The following ROBO2 variants were observed in gnomAD, a reference collection of about 807,000 sequenced individuals.
ROBO2 encodes roundabout guidance receptor 2.
A neutral mutation model predicts 160.8 loss-of-function variants in ROBO2; 53 were observed. That is an observed-to-expected ratio of 0.33 (90% CI 0.26 to 0.41). The LOEUF is 0.41. Among genes scored for constraint, ROBO2 ranks in the 10% least tolerant of loss-of-function variants. The probability of loss-of-function intolerance (pLI) is 1.00; values close to 1 mark genes in which losing one functional copy is unlikely to be tolerated. For missense variants in ROBO2, 1,577 were observed against 1,722.4 expected (o/e 0.92, Z 1.49); for synonymous variants, 664 against 611.7 (o/e 1.09, Z -1.26).
At chr3:77,056,963 T>G (rs1559917984) in intron 1 of ROBO2, among the ~76,000 whole-genome samples, 1 of 152,168 alleles carries the variant, frequency 6.6e-6, no homozygotes, top group Non-Finnish European at 1.5e-5. Context: ...CATTACTGGT[T>G]ATATACCCAA....
chr3:77,261,452 A>G (rs1319372528), intron 2 of ROBO2, among the ~76,000 whole-genome samples: 2 of 152,172 alleles, frequency 1.3e-5, no homozygotes, highest in Admixed American at 1.3e-4. Flanking sequence ...AAGAAGACAT[A>G]TTGTTATAAT....
At position 76,043,839 on chromosome 3, in the gene ROBO2, A is replaced by G. The variant is rs568426175; in HGVS notation, c.109+106237A>G. ...CCTCTGGCCTTTTGGAATCCACATTATCTTGGAACTATGTGAAGATTGTCT... is the reference window on the plus strand; with the variant it reads ...CCTCTGGCCTTTTGGAATCCACATTGTCTTGGAACTATGTGAAGATTGTCT... On this transcript the variant is annotated intron_variant, in intron 2 of 26. Transcript: ENST00000487694. Among the ~76,000 whole-genome samples, 261 of 152,000 alleles carry G rather than the reference A, an allele frequency of 1.7e-3. 3 individuals are homozygous for G. The highest frequency in any genetic ancestry group is 6.1e-3 in the African/African-American group (254 of 41,318).
At chr3:76,009,154 G>A (rs189013093) in intron 2 of ROBO2, among the ~76,000 whole-genome samples, 3 of 152,142 alleles carry the variant, frequency 2.0e-5, no homozygotes, top group Admixed American at 2.0e-4. Flanking sequence ...CCAGGCTGGA[G>A]TGCAGGGGCG....
At chr3:75,925,087 G>A (rs984633388) in intron 1 of ROBO2, among the ~76,000 whole-genome samples, 2 of 151,982 alleles carry the variant, frequency 1.3e-5, no homozygotes, top group African/African-American at 2.4e-5. Context: ...TAAACAGTAT[G>A]AAGGTTAAAA....
At chr3:77,173,452 C>G (rs1001012321) in intron 2 of ROBO2, among the ~76,000 whole-genome samples, 12 of 151,804 alleles carry the variant, frequency 7.9e-5, no homozygotes, top group African/African-American at 2.7e-4. Flanking sequence ...TCTTTGATTC[C>G]TAATTGTGTT....
intron 2 of ROBO2, among the ~76,000 whole-genome samples, chr3:76,411,931 C>T (rs962976814): frequency 6.6e-6 from 1 of 152,052 alleles, no homozygotes; most frequent in Non-Finnish European, 1.5e-5. Context: ...GTACTTTTAT[C>T]CTGTGGAAGT....
chr3:76,294,266 G>C (rs1157117180), intron 2 of ROBO2, among the ~76,000 whole-genome samples: 1 of 152,104 alleles, frequency 6.6e-6, no homozygotes, highest in Non-Finnish European at 1.5e-5. Context: ...GGCAGCTGCA[G>C]CTGCCCCTGG....
chr3:77,239,283 T>C (rs1345548670), intron 2 of ROBO2, among the ~76,000 whole-genome samples: 1 of 152,056 alleles, frequency 6.6e-6, no homozygotes. Context: ...TTGCCGTGAG[T>C]GTTGCAGCTC....
intron 2 of ROBO2, among the ~76,000 whole-genome samples, chr3:76,432,713 T>A (rs2076490741): frequency 6.6e-6 from 1 of 152,142 alleles, no homozygotes; most frequent in Admixed American, 6.6e-5. Context: ...AATGTACCCT[T>A]ACTATTGCTG....
At chr3:76,389,613 A>G (rs2077053748) in intron 2 of ROBO2, among the ~76,000 whole-genome samples, 1 of 152,206 alleles carries the variant, frequency 6.6e-6, no homozygotes, top group Non-Finnish European at 1.5e-5. Flanking sequence ...TACTGATAAA[A>G]AAAAGTATCC....
chr3:77,086,096 G>A (rs575117041), intron 1 of ROBO2, among the ~76,000 whole-genome samples: 2 of 152,132 alleles, frequency 1.3e-5, no homozygotes, highest in South Asian at 2.1e-4. Context: ...CAGTAAAATA[G>A]TTTAGAGGGA....
intron 2 of ROBO2, among the ~76,000 whole-genome samples, chr3:76,760,713 C>T (rs566674814): frequency 1.4e-4 from 6 of 44,008 alleles, no homozygotes; most frequent in Non-Finnish European, 2.0e-4. Context: ...ACCTCTGAGT[C>T]GGTAAGTTAA....
chr3:76,243,582 C>T (rs565651712), intron 2 of ROBO2, among the ~76,000 whole-genome samples: 31 of 152,038 alleles, frequency 2.0e-4, no homozygotes, highest in Non-Finnish European at 1.9e-4. Context: ...GGGCTGAGGA[C>T]GATAAAAACT....
intron 2 of ROBO2, among the ~76,000 whole-genome samples, chr3:76,938,042 G>T (rs540031335): frequency 3.3e-5 from 5 of 152,160 alleles, no homozygotes; most frequent in African/African-American, 1.2e-4. Context: ...AATTACGGAC[G>T]GGCCTCAGAG....
chr3:77,563,602 T>A (rs1002789482), intron 11 of ROBO2, among the ~76,000 whole-genome samples: 1 of 152,114 alleles, frequency 6.6e-6, no homozygotes, highest in East Asian at 1.9e-4. Flanking sequence ...CCCAGACCAT[T>A]GTAGGGATTT....
At chr3:77,608,325 G>A (rs1447039564) in intron 21 of ROBO2, among the ~76,000 whole-genome samples, 1 of 152,156 alleles carries the variant, frequency 6.6e-6, no homozygotes, top group Non-Finnish European at 1.5e-5. Context: ...ATCATCCCTT[G>A]CAGTTCTCTA....
At chr3:76,054,285 T>C (rs1000665191) in intron 2 of ROBO2, among the ~76,000 whole-genome samples, 2 of 152,180 alleles carry the variant, frequency 1.3e-5, no homozygotes, top group African/African-American at 4.8e-5. Context: ...CTGAATTTAG[T>C]TCTTTAGGTC....
chr3:75,953,070 A>C (rs1387683155), intron 2 of ROBO2, among the ~76,000 whole-genome samples: 2 of 151,922 alleles, frequency 1.3e-5, no homozygotes, highest in Non-Finnish European at 2.9e-5. Flanking sequence ...GGCTCCTATA[A>C]CATTCATGGG....
chr3:76,251,819 T>C (rs1706021932), intron 2 of ROBO2, among the ~76,000 whole-genome samples: 1 of 152,088 alleles, frequency 6.6e-6, no homozygotes, highest in Non-Finnish European at 1.5e-5. Context: ...TCCTTAAAGA[T>C]GCTGTCAGGT....
Sources: gnomAD v4.1 joint callset for allele counts (sites outside exome capture counted in the v4.1 genomes callset) on GRCh38, gnomAD v4.1.1 for gene constraint, MANE v1.5 for transcripts, NCBI Gene and HGNC (gene_info 2026-07-23, HGNC 2026-07-21) for gene names.